Variants in PM20D2 observed in about 807,000 individuals in gnomAD.
PM20D2 encodes peptidase M20 domain containing 2, also known as xaa-Arg dipeptidase.
Under a neutral mutation model 42.9 loss-of-function variants are expected in PM20D2, and 33 were observed. That is an observed-to-expected ratio of 0.77 (90% CI 0.58 to 1.03). The LOEUF (loss-of-function observed/expected upper bound fraction) is 1.03. PM20D2 is among the 50% of genes least tolerant of loss of function. The pLI, the probability that PM20D2 is intolerant of heterozygous loss-of-function variation, is 0.00. For synonymous variants in PM20D2, 250 were observed against 228.2 expected (o/e 1.10, Z -0.86); for missense variants, 548 against 557.0 (o/e 0.98, Z 0.16).
the PM20D2 span, among the ~76,000 whole-genome samples, chr6:89,119,783 A>G: frequency 6.6e-6 from 1 of 152,170 alleles, no homozygotes; most frequent in African/African-American, 2.4e-5. Context: ...CTGTCTTCAC[A>G]TGGCCTCCTG....
At chr6:89,134,494 C>CA in the PM20D2 span, among the ~76,000 whole-genome samples, 2 of 151,128 alleles carry the variant, frequency 1.3e-5, no homozygotes, top group Non-Finnish European at 2.9e-5. Flanking sequence ...TTGGTGGTGA[C>CA]AAAAGGCAGG....
the PM20D2 span, among the ~76,000 whole-genome samples, chr6:89,132,773 G>T: frequency 6.6e-6 from 1 of 151,006 alleles, no homozygotes; most frequent in Non-Finnish European, 1.5e-5. Flanking sequence ...AGGAGGCAGA[G>T]GTTGCAGTGA....
chr6:89,109,631 G>A, the PM20D2 span, among the ~76,000 whole-genome samples: 2 of 152,168 alleles, frequency 1.3e-5, no homozygotes, highest in Non-Finnish European at 2.9e-5. Context: ...GAAGCCAAGG[G>A]TGATGGGAGT....
intron 2 of PM20D2, among the ~76,000 whole-genome samples, chr6:89,151,516 C>G (rs1190804177): frequency 6.6e-6 from 1 of 152,190 alleles, no homozygotes; most frequent in Admixed American, 6.5e-5. Context: ...GCATGAGCCG[C>G]CAGGCCCAAC....
chr6:89,127,868 A>G, the PM20D2 span, among the ~76,000 whole-genome samples: 11 of 152,246 alleles, frequency 7.2e-5, no homozygotes, highest in African/African-American at 2.4e-4. Context: ...TGAAGATTTC[A>G]TGGACATTTA....
the PM20D2 span, among the ~76,000 whole-genome samples, chr6:89,112,880 C>A: frequency 6.6e-6 from 1 of 152,034 alleles, no homozygotes; most frequent in East Asian, 1.9e-4. Context: ...TCTTTTACAC[C>A]ATATTTTTAG....
At chr6:89,141,806 A>G (rs1205900682), upstream of PM20D2, among the ~76,000 whole-genome samples, 1 of 151,610 alleles carries the variant, frequency 6.6e-6, no homozygotes, top group Non-Finnish European at 1.5e-5. Context: ...CCATTGTCCA[A>G]GTTTTATTTT....
chr6:89,107,705 C>T, the PM20D2 span, among the ~76,000 whole-genome samples: 1 of 152,104 alleles, frequency 6.6e-6, no homozygotes, highest in East Asian at 1.9e-4. Context: ...CACTGCACTC[C>T]ATCCAGCCTG....
chr6:89,159,883 C>G (rs1447368458), intron 5 of PM20D2, among the ~76,000 whole-genome samples: 1 of 152,136 alleles, frequency 6.6e-6, no homozygotes, highest in Admixed American at 6.5e-5. Context: ...TTTACCCTAG[C>G]AGGTTTCTGC....
chr6:89,125,273 GA>G, the PM20D2 span, among the ~76,000 whole-genome samples: 3 of 152,278 alleles, frequency 2.0e-5, no homozygotes, highest in Admixed American at 6.5e-5. Context: ...GAGGTCAGGA[GA>G]TCGAGACCAT....
chr6:89,141,419 G>A (rs574881635), upstream of PM20D2, among the ~76,000 whole-genome samples: 28 of 152,240 alleles, frequency 1.8e-4, no homozygotes, highest in Non-Finnish European at 2.9e-4. Flanking sequence ...AGGCTGGAGT[G>A]CAGTGACACA....
chr6:89,118,649 T>C, the PM20D2 span, among the ~76,000 whole-genome samples: 1 of 152,302 alleles, frequency 6.6e-6, no homozygotes, highest in Admixed American at 6.5e-5. Flanking sequence ...TGATTCTTCA[T>C]CCTTTATTCA....
chr6:89,126,486 C>G, the PM20D2 span, among the ~76,000 whole-genome samples: 1 of 151,734 alleles, frequency 6.6e-6, no homozygotes, highest in Non-Finnish European at 1.5e-5. Context: ...GAGTTCAAGA[C>G]CAGCCTGGCC....
chr6:89,142,206 T>C (rs1052944738), upstream of PM20D2, among the ~76,000 whole-genome samples: 3 of 152,162 alleles, frequency 2.0e-5, no homozygotes, highest in African/African-American at 7.2e-5. Flanking sequence ...GCTCACCTAC[T>C]CTCTTAGTTG....
Position 89,146,112 on chromosome 6 carries a change from G to T in PM20D2, c.-33G>T. 7.2e-7 allele frequency: 1 copy of T among 1,396,918 alleles called. No individual in the cohort carries two copies. Among genetic ancestry groups the T allele is most frequent in the Non-Finnish European group, 9.3e-7 (1 of 1,080,210 alleles). 86.5% of individuals were successfully genotyped at this position (1,396,918 alleles called of 1,614,324 possible). A position where few individuals can be genotyped will look rare whatever the true frequency, so the allele number is the denominator to read the frequency against. ...GCTACCTGCGGCCGAGCCAGGGAGCGAGAGGGCGCAGAGGGCAGCGGGCTT... is the reference window on the plus strand; with the variant it reads ...GCTACCTGCGGCCGAGCCAGGGAGCTAGAGGGCGCAGAGGGCAGCGGGCTT... On this transcript the variant is annotated 5_prime_UTR_variant, in exon 1 of 7. Coordinates refer to ENST00000275072, the MANE Select transcript of PM20D2 (RefSeq NM_001010853.3).
chr6:89,100,333 C>T, the PM20D2 span, among the ~76,000 whole-genome samples: 1 of 152,196 alleles, frequency 6.6e-6, no homozygotes. Flanking sequence ...GGGCTACAAT[C>T]TAGAGGTAAG....
chr6:89,127,844 A>G, the PM20D2 span, among the ~76,000 whole-genome samples: 1 of 152,358 alleles, frequency 6.6e-6, no homozygotes, highest in African/African-American at 2.4e-5. Flanking sequence ...GCCGCAGCAG[A>G]GGAACATAAA....
the PM20D2 span, among the ~76,000 whole-genome samples, chr6:89,106,232 C>G: frequency 2.0e-5 from 3 of 152,094 alleles, no homozygotes; most frequent in African/African-American, 4.8e-5. Context: ...CCCGCCTCAG[C>G]CTTCCAAGTA....
At chr6:89,149,198 T>C in intron 1 of PM20D2, 67 bp from the exon 2 acceptor site, 2 of 1,543,682 alleles carry the variant, frequency 1.3e-6, no homozygotes, top group African/African-American at 2.7e-5. Flanking sequence ...CATATGCAGG[T>C]GAACCTGTTT....
Sources: gnomAD v4.1 joint callset for allele counts (sites outside exome capture counted in the v4.1 genomes callset) on GRCh38, gnomAD v4.1.1 for gene constraint, MANE v1.5 for transcripts, NCBI Gene and HGNC (gene_info 2026-07-23, HGNC 2026-07-21) for gene names.